Variants in MTX3 observed in about 807,000 individuals in gnomAD.
MTX3 encodes the protein metaxin-3.
Under a neutral mutation model 42.5 loss-of-function variants are expected in MTX3, and 27 were observed. The ratio of observed to expected loss-of-function variants is 0.64; its 90% CI spans 0.47 to 0.88. The LOEUF is 0.88. Among genes scored for constraint, MTX3 ranks in the 40% least tolerant of loss-of-function variants. The pLI is 0.00. For missense variants in MTX3, 378 were observed against 367.0 expected (o/e 1.03, Z -0.25); for synonymous variants, 144 against 132.9 (o/e 1.08, Z -0.57).
In MTX3 at chr5:79,979,438, A is replaced by G. The variant is rs1471010532; in HGVS notation, c.*4246T>C. On this transcript the variant is annotated 3_prime_UTR_variant, in exon 9 of 9. Coordinates refer to ENST00000512528, the MANE Select transcript of MTX3 (RefSeq NM_001363818.2). ...TTTCTTAACATCAAGAACATATACA[A>G]AAGATGATCATTACCACCCAAATTA... is the stretch of plus-strand genomic sequence containing the variant. The G allele has an allele frequency of 6.6e-6, 1 of 152,270 alleles. No homozygotes were observed. The highest frequency in any genetic ancestry group is 1.5e-5 in the Non-Finnish European group (1 of 68,044). 9.4% of individuals were successfully genotyped at this position (152,270 alleles called of 1,614,324 possible). A position where few individuals can be genotyped will look rare whatever the true frequency, so the allele number is the denominator to read the frequency against.
At chr5:79,990,278 T>C in intron 2 of MTX3, 42 bp from the exon 3 acceptor site, 1 of 1,364,884 alleles carries the variant, frequency 7.3e-7, no homozygotes, top group Non-Finnish European at 1.0e-6. Flanking sequence ...CACAGTGTGA[T>C]TTCCTCTGAG....
rs772256790 is a variant in MTX3 at position 79,990,554 on chromosome 5, A to G, written c.151+40T>C. The G allele has an allele frequency of 4.6e-6, 6 of 1,307,352 alleles. No individual in the cohort carries two copies. In the African/African-American group the frequency reaches 7.4e-5, roughly 16 times the overall value. 81.0% of individuals were successfully genotyped at this position (1,307,352 alleles called of 1,614,324 possible). A position where few individuals can be genotyped will look rare whatever the true frequency, so the allele number is the denominator to read the frequency against. ...ACAGCTTTAAATGGAAGAAGAAAAA[A>G]AAGAGTGCAGAAAGGGGAGTGTAAA... On this transcript the variant is annotated intron_variant, in intron 2 of 8. Coordinates refer to ENST00000512528, the MANE Select transcript of MTX3 (RefSeq NM_001363818.2).
intron 8 of MTX3, 121 bp from the exon 9 acceptor site, chr5:79,983,915 G>C: frequency 3.4e-6 from 2 of 596,838 alleles, no homozygotes; most frequent in Non-Finnish European, 5.9e-6. Flanking sequence ...TGGGCTGCTA[G>C]AGAAACCTTT....
chr5:79,983,518 T>A lies in MTX3; in HGVS notation c.*166A>T. 1 of 606,538 alleles carries A rather than the reference T, an allele frequency of 1.6e-6. No individual in the cohort carries two copies. The highest frequency in any genetic ancestry group is 2.9e-5 in the East Asian group (1 of 34,578). The allele number at this position is 606,538 out of a possible 1,614,324, so 37.6% of individuals were successfully genotyped here. ...TTAAAAATGCAGTGCCAAGCTAGAA[T>A]ACAAGCTTCCTAATAATAATAGTAA... On this transcript the variant is annotated 3_prime_UTR_variant, in exon 9 of 9. Transcript: ENST00000512528.
chr5:79,988,280 T>C lies in MTX3; in HGVS notation c.540A>G (p.Leu180=), dbSNP rs549194580. The C allele has an allele frequency of 3.2e-6, 5 of 1,555,472 alleles. No individual in the cohort carries two copies. In the South Asian group the frequency reaches 3.5e-5, roughly 11 times the overall value. ...YRDAKECLNL[L]SNRLGTSQFF... Reference sequence around the variant, plus strand: ...ACTGAGATGTTCCCAATCTGTTTGATAGAAGATTTAGGCACTCCTTGGCAT... The same window carrying C: ...ACTGAGATGTTCCCAATCTGTTTGACAGAAGATTTAGGCACTCCTTGGCAT... The change falls in exon 6 of 9, where the codon CTA becomes CTG. Residue 180 remains leucine, a synonymous_variant. Transcript: ENST00000512528.
rs1393261129 is a variant in MTX3, at chr5:79,976,892, T to C, written c.*6792A>G. 6.6e-6 allele frequency: 1 copy of C among 152,644 alleles called. No homozygotes were observed. Among genetic ancestry groups the C allele is most frequent in the Admixed American group, 6.5e-5 (1 of 15,280 alleles). 9.5% of individuals were successfully genotyped at this position (152,644 alleles called of 1,614,324 possible). On this transcript the variant is annotated 3_prime_UTR_variant, in exon 9 of 9. Transcript: ENST00000512528. ...ATTCACACTCGGCAAGGCTAGAATA[T>C]TGAAATTATGGCCAACATTGCTTAC... is the stretch of plus-strand genomic sequence containing the variant.
intron 2 of MTX3, 76 bp from the exon 3 acceptor site, chr5:79,990,312 T>C (rs537751761): frequency 8.8e-6 from 9 of 1,017,006 alleles, no homozygotes; most frequent in South Asian, 4.9e-5. Flanking sequence ...CTAAAAACTA[T>C]AGCAGTTGCA....
At position 79,988,444 on chromosome 5, in the gene MTX3, G is replaced by A. The variant is rs1424081258; in HGVS notation, c.504+18C>T. On this transcript the variant is annotated intron_variant, in intron 5 of 8. Coordinates refer to ENST00000512528, the MANE Select transcript of MTX3 (RefSeq NM_001363818.2). Reference sequence around the variant, plus strand: ...TTTCTCTCTAGGGCCCTTGCTTGAAGAATAATCCATACTATACCTGTGCTT... The same window carrying A: ...TTTCTCTCTAGGGCCCTTGCTTGAAAAATAATCCATACTATACCTGTGCTT... 6 of 1,601,050 alleles carry A rather than the reference G, an allele frequency of 3.7e-6. No homozygotes were observed. Among genetic ancestry groups the A allele is most frequent in the Non-Finnish European group, 5.1e-6 (6 of 1,175,342 alleles).
intron 8 of MTX3, among the ~76,000 whole-genome samples, chr5:79,985,239 C>T (rs1287214150): frequency 6.6e-6 from 1 of 152,086 alleles, no homozygotes; most frequent in Admixed American, 6.6e-5. Flanking sequence ...CCTCGGCCTC[C>T]CAAAGAGCTG....
chr5:79,991,014 G>T (rs1330405105), intron 1 of MTX3, 144 bp downstream of exon 1: 11 of 898,790 alleles, frequency 1.2e-5, no homozygotes, highest in Non-Finnish European at 1.8e-5. Flanking sequence ...GGGACTCGTC[G>T]GTGGGAGGGA....
At position 79,982,454 on chromosome 5, in the gene MTX3, G is replaced by A. The variant is rs1237534727; in HGVS notation, c.*1230C>T. 2.2e-6 allele frequency: 1 copy of A among 455,990 alleles called. No homozygotes were observed. The highest frequency in any genetic ancestry group is 4.4e-6 in the Non-Finnish European group (1 of 226,664). 28.2% of individuals were successfully genotyped at this position (455,990 alleles called of 1,614,324 possible). A position where few individuals can be genotyped will look rare whatever the true frequency, so the allele number is the denominator to read the frequency against. ...GCTGAGCACCACAGTAATCTTTTAA[G>A]ACACTAATCAAAAACATGGTTCTAC... On this transcript the variant is annotated 3_prime_UTR_variant, in exon 9 of 9. Coordinates refer to ENST00000512528, the MANE Select transcript of MTX3 (RefSeq NM_001363818.2).
chr5:79,981,309 A>G lies in MTX3; in HGVS notation c.*2375T>C, dbSNP rs1831367762. ...AGCTCAACTAAGTAACCCAACATATAAACTCTCACTAAACTCACATGTTGC... is the reference window on the plus strand; with the variant it reads ...AGCTCAACTAAGTAACCCAACATATGAACTCTCACTAAACTCACATGTTGC... On this transcript the variant is annotated 3_prime_UTR_variant, in exon 9 of 9. Coordinates refer to ENST00000512528, the MANE Select transcript of MTX3 (RefSeq NM_001363818.2). The G allele has an allele frequency of 6.6e-6, 1 of 152,228 alleles. No homozygotes were observed. Among genetic ancestry groups the G allele is most frequent in the Non-Finnish European group, 1.5e-5 (1 of 68,042 alleles). The allele number at this position is 152,228 out of a possible 1,614,324, so 9.4% of individuals were successfully genotyped here.
intron 2 of MTX3, 104 bp downstream of exon 2, chr5:79,990,490 G>A: frequency 2.5e-6 from 2 of 799,340 alleles, no homozygotes; most frequent in Non-Finnish European, 3.9e-6. Context: ...CAAGGTCACG[G>A]TAAGAAACTA....
intron 2 of MTX3, 54 bp downstream of exon 2, chr5:79,990,540 T>G: frequency 8.5e-7 from 1 of 1,173,322 alleles, no homozygotes; most frequent in South Asian, 1.5e-5. Context: ...CAGCTTTAAA[T>G]GGAAGAAGAA....
At chr5:79,990,490 G>C in intron 2 of MTX3, 104 bp downstream of exon 2, 1 of 799,340 alleles carries the variant, frequency 1.3e-6, no homozygotes, top group Non-Finnish European at 2.0e-6. Context: ...CAAGGTCACG[G>C]TAAGAAACTA....
rs951537648 is a variant in MTX3 at position 79,978,382 on chromosome 5, G to C, written c.*5302C>G. ...GGCGGGCAGAATCACCTGAGGTCAG[G>C]AGTTCAAAATCAGCCTGGTCAACAT... On this transcript the variant is annotated 3_prime_UTR_variant, in exon 9 of 9. Coordinates refer to ENST00000512528, the MANE Select transcript of MTX3 (RefSeq NM_001363818.2). 1.3e-5 allele frequency: 2 copies of C among 152,134 alleles called. No homozygotes were observed. Among genetic ancestry groups the C allele is most frequent in the Non-Finnish European group, 2.9e-5 (2 of 68,054 alleles). 9.4% of individuals were successfully genotyped at this position (152,134 alleles called of 1,614,324 possible). A position where few individuals can be genotyped will look rare whatever the true frequency, so the allele number is the denominator to read the frequency against.
At chr5:79,986,764 T>C in intron 7 of MTX3, 186 bp downstream of exon 7, 1 of 604,986 alleles carries the variant, frequency 1.7e-6, no homozygotes, top group Non-Finnish European at 2.9e-6. Flanking sequence ...TATCTATTTA[T>C]CTATTTAAAT....
In MTX3 at chr5:79,982,779, C is replaced by G. The variant is rs559840269; in HGVS notation, c.*905G>C. ...TGAGCCAAGCATAGAAAACTTGGACCAGATGCACAGTATTTCTACTACCCT... is the reference window on the plus strand; with the variant it reads ...TGAGCCAAGCATAGAAAACTTGGACGAGATGCACAGTATTTCTACTACCCT... On this transcript the variant is annotated 3_prime_UTR_variant, in exon 9 of 9. Transcript: ENST00000512528. The G allele has an allele frequency of 5.1e-6, 1 of 196,050 alleles. No homozygotes were observed. The highest frequency in any genetic ancestry group is 9.0e-5 in the South Asian group (1 of 11,166). 12.1% of individuals were successfully genotyped at this position (196,050 alleles called of 1,614,324 possible). A position where few individuals can be genotyped will look rare whatever the true frequency, so the allele number is the denominator to read the frequency against.
intron 7 of MTX3, among the ~76,000 whole-genome samples, chr5:79,986,383 A>T (rs904837223): frequency 1.3e-5 from 2 of 152,218 alleles, no homozygotes; most frequent in Admixed American, 6.5e-5. Flanking sequence ...CCCAATAGAA[A>T]TTTAGTATCT....
Sources: allele counts gnomAD v4.1 joint callset (sites outside exome capture counted in the v4.1 genomes callset), GRCh38; gene constraint gnomAD v4.1.1; transcripts MANE v1.5; gene names NCBI Gene and HGNC (gene_info 2026-07-23, HGNC 2026-07-21).